The following GARNL3 variants were observed in gnomAD, a reference collection of about 807,000 sequenced individuals.
The protein encoded by GARNL3 is GTPase-activating Rap/Ran-GAP domain-like protein 3.
A neutral mutation model predicts 125.0 loss-of-function variants in GARNL3; 63 were observed. That is an observed-to-expected ratio of 0.50 (90% confidence interval 0.41 to 0.62). The LOEUF (loss-of-function observed/expected upper bound fraction) is 0.62. Ranked by LOEUF, GARNL3 falls within the 20% of genes least tolerant of loss-of-function variation. The pLI is 0.00. For synonymous variants in GARNL3, 439 were observed against 457.5 expected, an observed-to-expected ratio of 0.96 and a Z score of 0.52; for missense variants, 994 against 1,244.0, an observed-to-expected ratio of 0.80 and a Z score of 3.02.
chr9:127,340,928 C>T (rs1036216202), intron 13 of GARNL3, among the ~76,000 whole-genome samples: 5 of 152,178 alleles, frequency 3.3e-5, no homozygotes, highest in Non-Finnish European at 5.9e-5. Flanking sequence ...TCACCAGAAA[C>T]ATCCAAGTCC....
Position 127,243,128 on chromosome 9 carries a change from C to T in GARNL3, c.22C>T (p.Pro8Ser), listed in dbSNP as rs1395207069. The T allele has an allele frequency of 2.2e-6, 3 of 1,365,076 alleles. No homozygotes were observed. The East Asian group carries it at 1.4e-4, about 62-fold the overall frequency. 84.6% of individuals were successfully genotyped at this position (1,365,076 alleles called of 1,614,324 possible). Reference sequence around the variant, plus strand: ...ACTGATGGACCCGTTAACGAAGGTGCCTTGTGGGAGTCAGATAGCACAAAC... The same window carrying T: ...ACTGATGGACCCGTTAACGAAGGTGTCTTGTGGGAGTCAGATAGCACAAAC... The change falls in exon 2 of 11, where the codon CCT becomes TCT. Residue 8 changes from proline to serine, a missense_variant. Transcript: ENST00000439286.
chr9:127,365,258 A>G (rs375612760), intron 21 of GARNL3, 42 bp from the exon 22 acceptor site: 15 of 1,528,078 alleles, frequency 9.8e-6, no homozygotes, highest in Non-Finnish European at 2.7e-6. Flanking sequence ...TCACAGGGTC[A>G]GCATCCAGCC....
chr9:127,291,169 T>A lies in GARNL3; in HGVS notation c.146T>A (p.Leu49His). The change falls in exon 2 of 28, where the codon CTT becomes CAT. Residue 49 changes from leucine (L) to histidine (H), a missense_variant and splice_region_variant. By Grantham distance (99) the Leu-to-His change is moderately conservative. This residue lies in a region of GARNL3 where 139 missense variants were observed against 231.6 expected (regional missense o/e 0.60). Transcript: ENST00000373387. ...SRKHYGSVEL[L>H]ISSDADGAIQ... is the part of the protein sequence containing the mutation. ...AATTGAATGCTTTTTCCCCCCTAGC[T>A]TATTTCCAGTGATGCTGATGGAGCC... 1 of 1,614,082 alleles carries A rather than the reference T, an allele frequency of 6.2e-7. No individual in the cohort carries two copies. The highest frequency in any genetic ancestry group is 8.5e-7 in the Non-Finnish European group (1 of 1,179,950).
intron 2 of GARNL3, among the ~76,000 whole-genome samples, chr9:127,308,217 T>C (rs2065007852): frequency 6.6e-6 from 1 of 152,182 alleles, no homozygotes; most frequent in Non-Finnish European, 1.5e-5. Context: ...TATTTTGAAA[T>C]ATGATAAGCT....
At chr9:127,334,572 A>G (rs1253953067) in intron 9 of GARNL3, among the ~76,000 whole-genome samples, 1 of 152,166 alleles carries the variant, frequency 6.6e-6, no homozygotes, top group East Asian at 1.9e-4. Flanking sequence ...CCTGCCTCTC[A>G]TACCCCCGCT....
intron 2 of GARNL3, among the ~76,000 whole-genome samples, chr9:127,291,743 T>C (rs2064425338): frequency 6.7e-6 from 1 of 148,818 alleles, no homozygotes; most frequent in Non-Finnish European, 1.5e-5. Context: ...TTTTTTTTTT[T>C]TTTTTTTGCC....
chr9:127,384,235 C>T lies in GARNL3; in HGVS notation c.2269+690C>T, dbSNP rs1037325850. Among the ~76,000 whole-genome samples the T allele has an allele frequency of 6.6e-6, 1 of 152,122 alleles. No homozygotes were observed. Among genetic ancestry groups the T allele is most frequent in the African/African-American group, 2.4e-5 (1 of 41,430 alleles). ...GTAGACAGGAAAGGGAGATTTTGAA[C>T]CACGTTGCTGGAGGGGCTTGAAAGT... On this transcript the variant is annotated intron_variant, in intron 23 of 27. Coordinates refer to ENST00000373387, the MANE Select transcript of GARNL3 (RefSeq NM_032293.5). This position sits in a 1 kb window ranked among gnomAD's most constrained non-coding sequence, Gnocchi z 4.0.
chr9:127,388,793 T>A (rs1370212436), intron 25 of GARNL3, 111 bp from the exon 26 acceptor site: 2 of 716,222 alleles, frequency 2.8e-6, no homozygotes, highest in East Asian at 2.6e-5. Context: ...CAGATCAGTG[T>A]GTGACATAAC....
chr9:127,278,843 C>G (rs2131322965), intron 1 of GARNL3, among the ~76,000 whole-genome samples: 2 of 152,298 alleles, frequency 1.3e-5, no homozygotes, highest in Admixed American at 1.3e-4. Flanking sequence ...TCCTTAACCC[C>G]CTTTGGCTTG....
intron 1 of GARNL3, among the ~76,000 whole-genome samples, chr9:127,283,009 AT>A (rs35267410): frequency 2.6e-5 from 4 of 151,970 alleles, no homozygotes; most frequent in African/African-American, 9.7e-5. Context: ...CTTGGATCTT[AT>A]TTTTTTTCCT....
At chr9:127,301,971 C>T (rs190596322) in intron 2 of GARNL3, among the ~76,000 whole-genome samples, 10,077 of 115,656 alleles carry the variant, frequency 0.087, 1,198 homozygotes, top group African/African-American at 0.28. Context: ...GACAGAGTCT[C>T]GCTCTGTCGC....
At chr9:127,231,028 A>G (rs1320030609) in intron 1 of GARNL3, among the ~76,000 whole-genome samples, 10 of 51,496 alleles carry the variant, frequency 1.9e-4, no homozygotes, top group Non-Finnish European at 3.3e-4. Flanking sequence ...ACATATATGT[A>G]TATATACATA....
intron 1 of GARNL3, among the ~76,000 whole-genome samples, chr9:127,236,343 A>G (rs2063112400): frequency 6.6e-6 from 1 of 152,264 alleles, no homozygotes; most frequent in East Asian, 1.9e-4. Flanking sequence ...ATTTTTGGGA[A>G]CAAACTTGAA....
intron 26 of GARNL3, among the ~76,000 whole-genome samples, chr9:127,389,970 A>G (rs1016926496): frequency 1.3e-5 from 2 of 151,928 alleles, no homozygotes; most frequent in Non-Finnish European, 2.9e-5. Flanking sequence ...AATCAGAGAA[A>G]CATAAAGCCC....
intron 15 of GARNL3, 54 bp downstream of exon 15, chr9:127,344,393 C>T: frequency 1.7e-6 from 2 of 1,152,142 alleles, no homozygotes; most frequent in Non-Finnish European, 1.3e-6. Context: ...GAGTTCCATC[C>T]TAACCAGATG....
intron 1 of GARNL3, among the ~76,000 whole-genome samples, chr9:127,235,858 A>G (rs2063103710): frequency 6.6e-6 from 1 of 152,184 alleles, no homozygotes; most frequent in Non-Finnish European, 1.5e-5. Context: ...GGAAACAACG[A>G]CTACAGTCAA....
chr9:127,225,332 G>A, intron 1 of GARNL3: 1 of 984,630 alleles, frequency 1.0e-6, no homozygotes, highest in African/African-American at 1.7e-5. Context: ...AGCCCGGCGG[G>A]GTGGCCGCTG....
chr9:127,341,152 GGT>G (rs1829839840), intron 13 of GARNL3, among the ~76,000 whole-genome samples: 1 of 152,158 alleles, frequency 6.6e-6, no homozygotes, highest in Non-Finnish European at 1.5e-5. Flanking sequence ...AGGGTCCATG[GGT>G]GATGTCTCCC....
At chr9:127,267,627 C>T (rs767550059) in intron 1 of GARNL3, among the ~76,000 whole-genome samples, 1 of 152,088 alleles carries the variant, frequency 6.6e-6, no homozygotes, top group Non-Finnish European at 1.5e-5. Context: ...AGCAGAGCTC[C>T]GTTCTTATTA....
Sources: allele counts gnomAD v4.1 joint callset (sites outside exome capture counted in the v4.1 genomes callset), GRCh38; gene constraint gnomAD v4.1.1; regional missense constraint gnomAD v4.1.1; non-coding constraint Gnocchi (gnomAD v3.1); transcripts MANE v1.5; gene names NCBI Gene and HGNC (gene_info 2026-07-23, HGNC 2026-07-21).